The following LGR6 variants were observed in gnomAD, a reference collection of about 807,000 sequenced individuals.
The protein encoded by LGR6 is leucine rich repeat containing G protein-coupled receptor 6.
In LGR6, 45 loss-of-function variants were observed where a neutral mutation model predicts 69.4. That is an observed-to-expected ratio of 0.65 (90% CI 0.51 to 0.83). The LOEUF is 0.83. Ranked by LOEUF, LGR6 falls within the 40% of genes least tolerant of loss-of-function variation. The pLI, the probability that LGR6 is intolerant of heterozygous loss-of-function variation, is 0.00. For missense variants in LGR6, 1,108 were observed against 1,246.7 expected, an observed-to-expected ratio of 0.89 and a Z score of 1.68; for synonymous variants, 538 against 555.0, an observed-to-expected ratio of 0.97 and a Z score of 0.43.
chr1:202,231,558 G>A (rs1342460770), intron 3 of LGR6, among the ~76,000 whole-genome samples: 2 of 152,160 alleles, frequency 1.3e-5, no homozygotes, highest in African/African-American at 2.4e-5. Flanking sequence ...CAGATGTTAA[G>A]GAGGATCTCA....
intron 17 of LGR6, 47 bp downstream of exon 17, chr1:202,314,929 G>A (rs757686096): frequency 1.4e-6 from 2 of 1,388,678 alleles, no homozygotes; most frequent in Non-Finnish European, 2.1e-6. Flanking sequence ...TGGAGAAAGG[G>A]CACCCAACCA....
chr1:202,216,226 G>C (rs903773765), intron 1 of LGR6, among the ~76,000 whole-genome samples: 1 of 152,358 alleles, frequency 6.6e-6, no homozygotes, highest in South Asian at 2.1e-4. Context: ...GGTTGAGTTG[G>C]GTGGTGATGC....
rs1654039201 is a variant in LGR6, at chr1:202,315,017, C to A, written c.1648+135C>A. 3 of 658,528 alleles carry A rather than the reference C, an allele frequency of 4.6e-6. 1 individual carries two copies. The highest frequency in any genetic ancestry group is 8.2e-6 in the Non-Finnish European group (3 of 366,308). The allele number at this position is 658,528 out of a possible 1,614,324, so 40.8% of individuals were successfully genotyped here. ...TGACTCCCAGCCTGCTGCAAGAGGG[C>A]CCTCCTTTCGTAATTCCTGGGGAAG... On this transcript the variant is annotated intron_variant, in intron 17 of 17. Coordinates refer to ENST00000367278, the MANE Select transcript of LGR6 (RefSeq NM_001017403.2).
chr1:202,214,006 T>C lies in LGR6; in HGVS notation c.213-11417T>C, dbSNP rs945580837. 3.4e-5 allele frequency: 44 copies of C among 1,312,582 alleles called. No individual in the cohort carries two copies. In the Middle Eastern group the frequency reaches 1.0e-3, roughly 30 times the overall value. 81.3% of individuals were successfully genotyped at this position (1,312,582 alleles called of 1,614,324 possible). A position where few individuals can be genotyped will look rare whatever the true frequency, so the allele number is the denominator to read the frequency against. On this transcript the variant is annotated intron_variant, in intron 1 of 17. Coordinates refer to ENST00000367278, the MANE Select transcript of LGR6 (RefSeq NM_001017403.2). ...CTTTCTATAGCTCTGATGAACCAAA[T>C]AGTTCGGGAGTTAGGGAAGAGGGCA...
intron 17 of LGR6, among the ~76,000 whole-genome samples, chr1:202,316,409 C>T (rs10920385): frequency 6.6e-6 from 1 of 152,300 alleles, no homozygotes; most frequent in East Asian, 1.9e-4. Flanking sequence ...CTCACTCACC[C>T]TCACAGAAGG....
intron 9 of LGR6, among the ~76,000 whole-genome samples, chr1:202,302,603 A>G (rs1370208638): frequency 1.1e-4 from 17 of 152,054 alleles, no homozygotes; most frequent in African/African-American, 4.1e-4. Flanking sequence ...CTGGAGTGCA[A>G]TAGCGCAGTC....
chr1:202,291,058 G>T (rs1383836656), intron 6 of LGR6, among the ~76,000 whole-genome samples: 1 of 152,178 alleles, frequency 6.6e-6, no homozygotes, highest in Non-Finnish European at 1.5e-5. Context: ...TAGGGCTGGG[G>T]TTGCCTTCTC....
chr1:202,200,997 C>A (rs1361722673), intron 1 of LGR6, among the ~76,000 whole-genome samples: 2 of 152,178 alleles, frequency 1.3e-5, no homozygotes, highest in African/African-American at 4.8e-5. Context: ...CCCCAGCCCC[C>A]GCTTCTCTGC....
chr1:202,262,667 A>G (rs910841905), intron 4 of LGR6, among the ~76,000 whole-genome samples: 2 of 152,162 alleles, frequency 1.3e-5, no homozygotes, highest in African/African-American at 2.4e-5. Flanking sequence ...TGGAATACCT[A>G]TGATTCTCAA....
chr1:202,222,786 C>T (rs1660255803), intron 1 of LGR6, among the ~76,000 whole-genome samples: 1 of 152,172 alleles, frequency 6.6e-6, no homozygotes, highest in South Asian at 2.1e-4. Context: ...TGAAAACATC[C>T]TGAGGACCAA....
At chr1:202,232,682 C>T (rs1276826145) in intron 3 of LGR6, among the ~76,000 whole-genome samples, 1 of 152,090 alleles carries the variant, frequency 6.6e-6, no homozygotes, top group Non-Finnish European at 1.5e-5. Flanking sequence ...AAAACCTTGT[C>T]TGTTGATTCT....
chr1:202,311,652 A>AT (rs1653729119), intron 16 of LGR6, among the ~76,000 whole-genome samples: 1 of 152,270 alleles, frequency 6.6e-6, no homozygotes. Context: ...ACAGAGTGAG[A>AT]TTCTGTCTCA....
intron 4 of LGR6, among the ~76,000 whole-genome samples, chr1:202,252,466 C>G (rs4500379): frequency 0.11 from 17,101 of 152,236 alleles, 1,083 homozygotes; most frequent in Middle Eastern, 0.23. Flanking sequence ...GCTTTCCCAT[C>G]TGTAAAGTGG....
intron 4 of LGR6, among the ~76,000 whole-genome samples, chr1:202,246,425 GTCCC>G (rs1312343205): frequency 3.9e-5 from 3 of 77,464 alleles, no homozygotes; most frequent in African/African-American, 5.5e-5. Context: ...TCCATCCCCT[GTCCC>G]TCCATCCATC....
At chr1:202,304,971 T>G (rs553929399) in intron 11 of LGR6, among the ~76,000 whole-genome samples, 14 of 152,324 alleles carry the variant, frequency 9.2e-5, no homozygotes, top group African/African-American at 3.1e-4. Flanking sequence ...ACAAGAAAAT[T>G]AGTCCCCTCT....
intron 2 of LGR6, among the ~76,000 whole-genome samples, chr1:202,227,488 G>A (rs1221273372): frequency 6.6e-6 from 1 of 152,174 alleles, no homozygotes; most frequent in African/African-American, 2.4e-5. Flanking sequence ...TTAGGGCCTG[G>A]AGAGACACAG....
chr1:202,193,819 C>T lies in LGR6; in HGVS notation c.-171C>T, dbSNP rs1266760298. 3.2e-6 allele frequency: 1 copy of T among 307,746 alleles called. No individual in the cohort carries two copies. The highest frequency in any genetic ancestry group is 2.2e-5 in the African/African-American group (1 of 45,418). The allele number at this position is 307,746 out of a possible 1,614,324, so 19.1% of individuals were successfully genotyped here. A position where few individuals can be genotyped will look rare whatever the true frequency, so the allele number is the denominator to read the frequency against. On this transcript the variant is annotated 5_prime_UTR_variant, in exon 1 of 18. Transcript: ENST00000367278. ...AGATCACTCAACAATGCCTGCCCCT[C>T]TCTGACTGCACCGTCCCGGCGCTCC...
intron 4 of LGR6, among the ~76,000 whole-genome samples, chr1:202,253,753 C>T (rs1183136646): frequency 1.3e-5 from 2 of 149,566 alleles, no homozygotes; most frequent in African/African-American, 4.9e-5. Context: ...CTCAGCCTCC[C>T]GAGTAGCTGG....
At chr1:202,269,253 C>T (rs1664909509) in intron 4 of LGR6, among the ~76,000 whole-genome samples, 2 of 152,004 alleles carry the variant, frequency 1.3e-5, no homozygotes, top group Admixed American at 6.6e-5. Flanking sequence ...TGTAGCCACT[C>T]CTATTCAGGA....
Sources: gnomAD v4.1 joint callset for allele counts (sites outside exome capture counted in the v4.1 genomes callset) on GRCh38, gnomAD v4.1.1 for gene constraint, MANE v1.5 for transcripts, NCBI Gene and HGNC (gene_info 2026-07-23, HGNC 2026-07-21) for gene names.